Variants in DPP4 observed in about 807,000 individuals in gnomAD.
DPP4 encodes dipeptidyl peptidase 4.
A neutral mutation model predicts 122.4 loss-of-function variants in DPP4; 93 were observed. The observed-to-expected ratio is 0.76, with a 90% CI of 0.64 to 0.90. The LOEUF (loss-of-function observed/expected upper bound fraction) is 0.90, where lower values mean the gene tolerates loss of function less well. DPP4 is among the 40% of genes least tolerant of loss of function. DPP4 has a pLI of 0.00. For missense variants in DPP4, 914 were observed against 907.3 expected (o/e 1.01, Z -0.09); for synonymous variants, 321 against 302.9 (o/e 1.06, Z -0.62).
intron 16 of DPP4, chr2:162,017,518 G>A (rs912911413): frequency 5.3e-6 from 1 of 189,196 alleles, no homozygotes; most frequent in Non-Finnish European, 1.1e-5. Flanking sequence ...ATCCCACAGG[G>A]TTTTTCAGGC....
intron 25 of DPP4, among the ~76,000 whole-genome samples, chr2:161,994,325 C>T (rs1052310221): frequency 6.6e-6 from 1 of 152,212 alleles, no homozygotes; most frequent in South Asian, 2.1e-4. Flanking sequence ...AATACATATA[C>T]ATACATGCAC....
chr2:162,051,501 C>T (rs60851734), intron 2 of DPP4, among the ~76,000 whole-genome samples: 5,825 of 152,244 alleles, frequency 0.038, 256 homozygotes, highest in African/African-American at 0.098. Context: ...GAAATGTGCT[C>T]GTTACGGCAC....
intron 2 of DPP4, among the ~76,000 whole-genome samples, chr2:162,051,449 A>G (rs1684379812): frequency 6.6e-6 from 1 of 152,198 alleles, no homozygotes; most frequent in Admixed American, 6.5e-5. Context: ...ACAAAAATAA[A>G]CTGTTTTGGT....
Position 162,019,233 on chromosome 2 carries a change from T to A in DPP4, c.1288A>T (p.Asn430Tyr), listed in dbSNP as rs377339779. Residue 430 changes from asparagine to tyrosine, a missense_variant, in exon 15 of 26, where the codon AAT becomes TAT. Physicochemically the swap from Asn to Tyr is moderately radical, Grantham distance 143 (BLOSUM62 -2). Coordinates refer to ENST00000360534, the MANE Select transcript of DPP4 (RefSeq NM_001935.4). ...TGACAGAGCTCTTACTTATAAAGAT[T>A]CCTTCCTCCTGGCATTCCTTTATAT... is the stretch of plus-strand genomic sequence containing the variant. ...NEYKGMPGGR[N>Y]LYKIQLSDYT... 19 of 1,597,124 alleles carry A rather than the reference T, an allele frequency of 1.2e-5. No individual in the cohort carries two copies. Among genetic ancestry groups the A allele is most frequent in the Non-Finnish European group, 1.6e-5 (19 of 1,168,100 alleles).
At chr2:161,999,262 A>C (rs1372427923) in intron 23 of DPP4, among the ~76,000 whole-genome samples, 2 of 152,236 alleles carry the variant, frequency 1.3e-5, no homozygotes, top group Non-Finnish European at 2.9e-5. Context: ...CAGAAAAAGA[A>C]ATAACAGGCA....
chr2:162,073,531 C>A (rs766825404), intron 1 of DPP4, 45 bp from the exon 2 acceptor site: 2 of 1,593,128 alleles, frequency 1.3e-6, no homozygotes, highest in African/African-American at 1.3e-5. Context: ...AAGCGTGTGG[C>A]CCCAGTTTCC....
intron 2 of DPP4, among the ~76,000 whole-genome samples, chr2:162,050,666 C>T (rs555667880): frequency 6.6e-6 from 1 of 152,326 alleles, no homozygotes; most frequent in South Asian, 2.1e-4. Context: ...AGCAGAGCAA[C>T]ACAAATGTTC....
chr2:162,040,618 T>C lies in DPP4; in HGVS notation c.367-1434A>G, dbSNP rs373341422. On this transcript the variant is annotated intron_variant, in intron 5 of 25. Transcript: ENST00000360534. ...AGCACAGTCAAAGTCATCTGTATAA[T>C]ACTATAATGGTGAAACATGTCATCA... is the stretch of plus-strand genomic sequence containing the variant. Among the ~76,000 whole-genome samples, 15 of 152,124 alleles carry C rather than the reference T, an allele frequency of 9.9e-5. No individual in the cohort carries two copies. In the South Asian group the frequency reaches 3.1e-3, roughly 32 times the overall value.
Position 162,038,388 on chromosome 2 carries a change from A to G in DPP4, c.527T>C (p.Ile176Thr). The stretch of plus-strand genomic sequence containing the variant: ...TCTGTAACTTGGTAAATTTGGTTCA[A>G]TTTTAACATAAATGTCATTGTTCCA... ...YVWNNDIYVK[I>T]EPNLPSYRIT... is the part of the protein sequence containing the mutation. Residue 176 changes from isoleucine (I) to threonine (T), a missense_variant, in exon 8 of 26, where the codon ATT becomes ACT. Transcript: ENST00000360534. 1.2e-6 allele frequency: 2 copies of G among 1,609,238 alleles called. No homozygotes were observed. The highest frequency in any genetic ancestry group is 1.7e-6 in the Non-Finnish European group (2 of 1,177,454).
At chr2:161,995,486 T>C in intron 23 of DPP4, 114 bp from the exon 24 acceptor site, 1 of 856,042 alleles carries the variant, frequency 1.2e-6, no homozygotes, top group Non-Finnish European at 1.9e-6. Flanking sequence ...TGATACAAAA[T>C]ATAGCAAACC....
chr2:162,028,379 C>A (rs1461245376), intron 10 of DPP4, among the ~76,000 whole-genome samples: 1 of 152,076 alleles, frequency 6.6e-6, no homozygotes, highest in Admixed American at 6.6e-5. Flanking sequence ...ATAAATAAAG[C>A]CAATGGCTCA....
intron 2 of DPP4, among the ~76,000 whole-genome samples, chr2:162,056,681 C>T (rs1684592169): frequency 6.6e-6 from 1 of 152,178 alleles, no homozygotes; most frequent in Non-Finnish European, 1.5e-5. Flanking sequence ...CCAAAACTGA[C>T]CCACTCTGAG....
intron 2 of DPP4, among the ~76,000 whole-genome samples, chr2:162,058,015 T>C (rs1283227552): frequency 6.6e-6 from 1 of 152,162 alleles, no homozygotes; most frequent in Non-Finnish European, 1.5e-5. Flanking sequence ...TCAGATGATC[T>C]GCCTGTCCCG....
At chr2:162,071,208 T>C (rs984258927) in intron 2 of DPP4, among the ~76,000 whole-genome samples, 1 of 152,198 alleles carries the variant, frequency 6.6e-6, no homozygotes, top group African/African-American at 2.4e-5. Flanking sequence ...TCTGGGGCCC[T>C]GGATCCTTTT....
chr2:162,073,536 GT>G, intron 1 of DPP4, 50 bp from the exon 2 acceptor site: 1 of 1,581,618 alleles, frequency 6.3e-7, no homozygotes, highest in East Asian at 2.2e-5. Flanking sequence ...TGTGGCCCCA[GT>G]TTCCGTAGGA....
chr2:162,024,995 A>G lies in DPP4; in HGVS notation c.888-56T>C, dbSNP rs1412830471. On this transcript the variant is annotated intron_variant, in intron 10 of 25. Coordinates refer to ENST00000360534, the MANE Select transcript of DPP4 (RefSeq NM_001935.4). Reference sequence around the variant, plus strand: ...AGAGAGAATGAACATGACTATTGCCAGACCTTGGTACAAATAGACATTTTA... The same window carrying G: ...AGAGAGAATGAACATGACTATTGCCGGACCTTGGTACAAATAGACATTTTA... 1.9e-6 allele frequency: 3 copies of G among 1,586,666 alleles called. No homozygotes were observed. The African/African-American group carries it at 4.0e-5, about 21-fold the overall frequency.
chr2:162,018,864 G>A lies in DPP4; in HGVS notation c.1299-14C>T, dbSNP rs760846257. 3.7e-6 allele frequency: 6 copies of A among 1,612,580 alleles called. No homozygotes were observed. The highest frequency in any genetic ancestry group is 4.2e-6 in the Non-Finnish European group (5 of 1,179,470). On this transcript the variant is annotated splice_polypyrimidine_tract_variant and intron_variant, in intron 15 of 25. Coordinates refer to ENST00000360534, the MANE Select transcript of DPP4 (RefSeq NM_001935.4). ...CTAAGTTGGATTCTGTAAAACCAAC[G>A]GTGGAAATTAAGTGCTTGAAGAAAA...
chr2:162,073,910 A>T lies in DPP4; in HGVS notation c.6+66T>A, dbSNP rs1489644719. 3 of 1,599,230 alleles carry T rather than the reference A, an allele frequency of 1.9e-6. No homozygotes were observed. The Admixed American group carries it at 5.1e-5, about 27-fold the overall frequency. ...GTCCGGTTTCGCCAGCTTTTGGGCC[A>T]TTTGGGGAGTTTGGCGAAGAGGTCC... On this transcript the variant is annotated intron_variant, in intron 1 of 25. Transcript: ENST00000360534.
chr2:162,048,265 C>G (rs1473819366), intron 2 of DPP4, among the ~76,000 whole-genome samples: 2 of 152,104 alleles, frequency 1.3e-5, no homozygotes, highest in Non-Finnish European at 2.9e-5. Context: ...ATTTTTGATA[C>G]TTCTGTCTGT....
Sources: allele counts gnomAD v4.1 joint callset (sites outside exome capture counted in the v4.1 genomes callset), GRCh38; gene constraint gnomAD v4.1.1; transcripts MANE v1.5; gene names NCBI Gene and HGNC (gene_info 2026-07-23, HGNC 2026-07-21).